MYH11: variants seen among roughly 807,000 people sequenced by gnomAD.
MYH11 encodes myosin-11.
MYH11 carries 80 observed loss-of-function variants against 246.6 expected under a neutral mutation model. The observed-to-expected ratio is 0.32, with a 90% confidence interval of 0.27 to 0.39. The LOEUF (loss-of-function observed/expected upper bound fraction) is 0.39. Among genes scored for constraint, MYH11 ranks in the 10% least tolerant of loss-of-function variants. The pLI is 1.00. For synonymous variants in MYH11, 1,071 were observed against 1,015.5 expected, an observed-to-expected ratio of 1.05 and a Z score of -1.04; for missense variants, 2,158 against 2,546.8, an observed-to-expected ratio of 0.85 and a Z score of 3.29.
At chr16:15,758,641 C>CA (rs35340074) in intron 12 of MYH11, among the ~76,000 whole-genome samples, 334 of 125,622 alleles carry the variant, frequency 2.7e-3, no homozygotes, top group Middle Eastern at 4.0e-3. Flanking sequence ...CTGTCTCTAC[C>CA]AAAAAAAAAA....
chr16:15,744,951 C>T (rs2041376345), intron 20 of MYH11, among the ~76,000 whole-genome samples, 178 bp downstream of exon 20: 1 of 152,244 alleles, frequency 6.6e-6, no homozygotes, highest in Admixed American at 6.5e-5. Context: ...CTGGCTATAG[C>T]CTATGTGCCA....
chr16:15,803,537 A>G (rs995652544), intron 3 of MYH11, among the ~76,000 whole-genome samples: 1 of 152,078 alleles, frequency 6.6e-6, no homozygotes, highest in Non-Finnish European at 1.5e-5. Context: ...TCAGCCTCCC[A>G]AAGTACTAAA....
At chr16:15,704,925 TA>T (rs1399445516) in intron 40 of MYH11, among the ~76,000 whole-genome samples, 7 of 152,186 alleles carry the variant, frequency 4.6e-5, no homozygotes, top group African/African-American at 1.7e-4. Context: ...GCAGTTCTCC[TA>T]CCTTGGCCTC....
chr16:15,800,596 G>GT (rs1405226525), intron 3 of MYH11, among the ~76,000 whole-genome samples: 1 of 138,238 alleles, frequency 7.2e-6, no homozygotes, highest in African/African-American at 2.8e-5. Flanking sequence ...CGGTAAATGA[G>GT]TTGGATGGAT....
At chr16:15,755,861 G>A (rs2151272240) in intron 14 of MYH11, among the ~76,000 whole-genome samples, 1 of 152,300 alleles carries the variant, frequency 6.6e-6, no homozygotes, top group South Asian at 2.1e-4. Context: ...GAACCCGGAG[G>A]GAGAGGTTGC....
chr16:15,784,636 T>A, intron 5 of MYH11: 1 of 1,588,196 alleles, frequency 6.3e-7, no homozygotes, highest in Non-Finnish European at 8.6e-7. Flanking sequence ...AAGAGGATCA[T>A]GCAGATCTAA....
intron 1 of MYH11, 127 bp from the exon 2 acceptor site, chr16:15,838,396 G>C (rs995285641): frequency 2.7e-6 from 2 of 748,620 alleles, no homozygotes; most frequent in Non-Finnish European, 4.6e-6. Flanking sequence ...AAGACCTGCA[G>C]TATTGTGTAT....
rs532163888 is a variant in MYH11 at position 15,726,475 on chromosome 16, A to G, written c.3858+373T>C. ...AACCTCTGCCTCCTGGGTTCAAGCT[A>G]TTCTCCTGCCTCAGCCTCCCGAGTA... On this transcript the variant is annotated intron_variant, in intron 28 of 40. Transcript: ENST00000300036. The G allele has an allele frequency of 3.2e-4, 112 of 345,702 alleles. 3 individuals carry two copies. Among genetic ancestry groups the G allele is most frequent in the South Asian group, 3.0e-3 (110 of 37,020 alleles). The allele number at this position is 345,702 out of a possible 1,614,324, so 21.4% of individuals were successfully genotyped here.
intron 11 of MYH11, among the ~76,000 whole-genome samples, chr16:15,760,105 AAAAC>A (rs150577065): frequency 0.21 from 31,628 of 151,844 alleles, 3,725 homozygotes; most frequent in East Asian, 0.39. Context: ...TCAAAAACAA[AAAAC>A]AAACAAACAA....
chr16:15,721,085 G>A (rs754538193), intron 32 of MYH11, 34 bp from the exon 33 acceptor site: 3 of 1,608,030 alleles, frequency 1.9e-6, no homozygotes, highest in South Asian at 2.2e-5. Flanking sequence ...ATTCTATGAG[G>A]CTCAACTTCA....
chr16:15,714,927 G>A lies in MYH11; in HGVS notation c.5768C>T (p.Ala1923Val). ...TCCTCACCTGAGCTTGCTCTTGAGT[G>A]CGTTCACCTCGCGGCCCATGGCCTC... ...SNEAMGREVNALKSKLRRGNE... is the reference protein window; with the variant it reads ...SNEAMGREVNVLKSKLRRGNE... Residue 1923 changes from alanine to valine, a missense_variant, in exon 40 of 41, where the codon GCA (alanine) becomes GTA (valine). Ala to Val is a moderately conservative substitution (Grantham distance 64). This residue lies in a region of MYH11 where 1,013 missense variants were observed against 993.5 expected (regional missense o/e 1.02). Coordinates refer to ENST00000300036, the MANE Select transcript of MYH11 (RefSeq NM_002474.3). The A allele has an allele frequency of 6.2e-7, 1 of 1,614,024 alleles. No homozygotes were observed. Among genetic ancestry groups the A allele is most frequent in the South Asian group, 1.1e-5 (1 of 91,088 alleles).
Position 15,704,141 on chromosome 16 carries a change from A to G in MYH11, c.5787-18T>C. On this transcript the variant is annotated intron_variant, in intron 40 of 40. Coordinates refer to ENST00000300036, the MANE Select transcript of MYH11 (RefSeq NM_002474.3). ...TTCCTCGCCTGTGGGTTGTAAGAAA[A>G]CACATTATTTAGCAAAGAAATCTTC... 6.2e-7 allele frequency: 1 copy of G among 1,613,654 alleles called. No homozygotes were observed. The highest frequency in any genetic ancestry group is 8.5e-7 in the Non-Finnish European group (1 of 1,179,814).
At chr16:15,805,117 T>G (rs947404536) in intron 3 of MYH11, among the ~76,000 whole-genome samples, 4 of 152,220 alleles carry the variant, frequency 2.6e-5, no homozygotes, top group Non-Finnish European at 2.9e-5. Context: ...ACCTTTCCAC[T>G]TGACCTCCTA....
intron 9 of MYH11, among the ~76,000 whole-genome samples, chr16:15,769,829 A>G (rs2042059587): frequency 6.6e-6 from 1 of 151,472 alleles, no homozygotes; most frequent in African/African-American, 2.4e-5. Context: ...GTTTTTTTCT[A>G]TTTATTTTTT....
chr16:15,828,329 T>C (rs559537744), intron 2 of MYH11, among the ~76,000 whole-genome samples: 19 of 152,300 alleles, frequency 1.2e-4, no homozygotes, highest in South Asian at 4.1e-4. Flanking sequence ...TCCCTTCATT[T>C]CACGAGAGGG....
intron 6 of MYH11, among the ~76,000 whole-genome samples, chr16:15,781,571 C>T (rs139143956): frequency 1.2e-4 from 18 of 152,314 alleles, no homozygotes; most frequent in South Asian, 4.1e-4. Flanking sequence ...CGGAGACAAC[C>T]GCTTCTTTTG....
At chr16:15,757,508 T>TCAA (rs1174098542) in intron 13 of MYH11, among the ~76,000 whole-genome samples, 1 of 65,482 alleles carries the variant, frequency 1.5e-5, no homozygotes, top group African/African-American at 5.6e-5. Flanking sequence ...GACCATGTCA[T>TCAA]AAAAAAAAAA....
In MYH11 at chr16:15,789,462, C is replaced by T. The variant is rs181957983; in HGVS notation, c.531-2730G>A. On this transcript the variant is annotated intron_variant, in intron 4 of 40. Transcript: ENST00000300036. ...GTTTGAAGTAAATTGCTCCAGCCCA[C>T]AATTGCTCCTGCTTTCACACAGATA... Among the ~76,000 whole-genome samples, 9 of 152,298 alleles carry T rather than the reference C, an allele frequency of 5.9e-5. 1 individual carries two copies. The East Asian group carries it at 1.7e-3, about 29-fold the overall frequency.
Position 15,703,371 on chromosome 16 carries a change from G to A in MYH11, c.*620C>T. 4.2e-6 allele frequency: 1 copy of A among 237,858 alleles called. No homozygotes were observed. The highest frequency in any genetic ancestry group is 8.3e-6 in the Non-Finnish European group (1 of 120,104). The allele number at this position is 237,858 out of a possible 1,614,324, so 14.7% of individuals were successfully genotyped here. On this transcript the variant is annotated 3_prime_UTR_variant, in exon 41 of 41. Coordinates refer to ENST00000300036, the MANE Select transcript of MYH11 (RefSeq NM_002474.3). ...GTTTGCAGGTTAGGGAATGAATTGGGAGTGGGGGCCGGCGGCACCCATTTC... is the reference window on the plus strand; with the variant it reads ...GTTTGCAGGTTAGGGAATGAATTGGAAGTGGGGGCCGGCGGCACCCATTTC...
Sources: allele counts gnomAD v4.1 joint callset (sites outside exome capture counted in the v4.1 genomes callset), GRCh38; gene constraint gnomAD v4.1.1; regional missense constraint gnomAD v4.1.1; transcripts MANE v1.5; gene names NCBI Gene and HGNC (gene_info 2026-07-23, HGNC 2026-07-21).